SNX25: variants seen among roughly 807,000 people sequenced by gnomAD.
SNX25 encodes sorting nexin-25.
SNX25 carries 62 observed loss-of-function variants against 113.7 expected under a neutral mutation model. The ratio of observed to expected loss-of-function variants is 0.55; its 90% confidence interval spans 0.44 to 0.67. The LOEUF is 0.67. Ranked by LOEUF, SNX25 falls within the 30% of genes least tolerant of loss-of-function variation. The pLI is 0.00. For missense variants in SNX25, 1,014 were observed against 1,161.0 expected, an observed-to-expected ratio of 0.87 and a Z score of 1.84; for synonymous variants, 421 against 436.2, an observed-to-expected ratio of 0.97 and a Z score of 0.43.
At chr4:185,357,411 G>A (rs558350712) in intron 15 of SNX25, among the ~76,000 whole-genome samples, 6 of 152,254 alleles carry the variant, frequency 3.9e-5, no homozygotes, top group South Asian at 2.1e-4. Context: ...CACTCTTTCC[G>A]CTTGCGAGCT....
the SNX25 span, among the ~76,000 whole-genome samples, chr4:185,376,443 CTTTTTTTTTTT>C: frequency 9.4e-6 from 1 of 105,824 alleles, no homozygotes; most frequent in East Asian, 2.7e-4. Flanking sequence ...TGCCCAGCTA[CTTTTTTTTTTT>C]TTTTTTTTTT....
At chr4:185,333,810 G>A (rs2126709352) in intron 10 of SNX25, among the ~76,000 whole-genome samples, 1 of 152,178 alleles carries the variant, frequency 6.6e-6, no homozygotes, top group East Asian at 1.9e-4. Flanking sequence ...TTGGGAAGCC[G>A]AGATGGGTGG....
intron 1 of SNX25, among the ~76,000 whole-genome samples, chr4:185,230,134 C>T (rs992286622): frequency 6.6e-6 from 1 of 151,896 alleles, no homozygotes; most frequent in Admixed American, 6.6e-5. Context: ...CTGGCCTAAG[C>T]ACTGTATTTA....
intron 14 of SNX25, among the ~76,000 whole-genome samples, chr4:185,351,910 G>GT (rs746502243): frequency 3.3e-5 from 5 of 150,072 alleles, no homozygotes; most frequent in Non-Finnish European, 7.4e-5. Flanking sequence ...TCATTGCGGG[G>GT]TGGGGGGGTT....
chr4:185,205,785 C>A (rs764966571), upstream of SNX25, among the ~76,000 whole-genome samples: 1 of 152,168 alleles, frequency 6.6e-6, no homozygotes, highest in Non-Finnish European at 1.5e-5. Context: ...GCTGAGATCA[C>A]GCCATTGTAC....
chr4:185,237,466 CT>C (rs1742810242), intron 1 of SNX25, among the ~76,000 whole-genome samples: 1 of 152,176 alleles, frequency 6.6e-6, no homozygotes, highest in African/African-American at 2.4e-5. Context: ...GGTTGCTTAA[CT>C]TTTCAACCCC....
At chr4:185,354,013 C>T (rs1057201368) in intron 15 of SNX25, among the ~76,000 whole-genome samples, 20 of 149,696 alleles carry the variant, frequency 1.3e-4, no homozygotes, top group African/African-American at 5.0e-4. Flanking sequence ...CACTGCACTC[C>T]AGCCTGGGTA....
downstream of SNX25, chr4:185,364,151 G>A (rs2095378434): frequency 6.6e-6 from 1 of 152,222 alleles, no homozygotes; most frequent in Non-Finnish European, 1.5e-5. Context: ...ATGATTTTTA[G>A]TGAGCAGAAA....
chr4:185,277,534 T>C (rs530643512), intron 5 of SNX25, among the ~76,000 whole-genome samples: 2 of 152,194 alleles, frequency 1.3e-5, no homozygotes, highest in African/African-American at 4.8e-5. Flanking sequence ...ATGGCCGATT[T>C]AAAGCCACCA....
intron 10 of SNX25, among the ~76,000 whole-genome samples, chr4:185,338,793 T>C (rs1044100953): frequency 1.3e-5 from 2 of 152,192 alleles, no homozygotes; most frequent in East Asian, 1.9e-4. Flanking sequence ...CACTTTACCA[T>C]ATATTATTTC....
intron 4 of SNX25, among the ~76,000 whole-genome samples, chr4:185,264,955 A>G (rs1560949101): frequency 6.6e-6 from 1 of 151,876 alleles, no homozygotes; most frequent in East Asian, 1.9e-4. Context: ...TATCCATAGT[A>G]TGTATGTTTA....
chr4:185,205,924 T>C (rs1454196085), upstream of SNX25, among the ~76,000 whole-genome samples: 2 of 152,058 alleles, frequency 1.3e-5, no homozygotes, highest in African/African-American at 4.8e-5. Flanking sequence ...AATAAACACA[T>C]GAAAAGATAC....
At chr4:185,324,640 C>T (rs1049394489) in intron 9 of SNX25, among the ~76,000 whole-genome samples, 4 of 151,968 alleles carry the variant, frequency 2.6e-5, no homozygotes, top group Non-Finnish European at 4.4e-5. Flanking sequence ...AGGGTTGGAA[C>T]GTTTCTAGTT....
At chr4:185,238,257 A>T (rs1220862105) in intron 1 of SNX25, among the ~76,000 whole-genome samples, 1 of 151,838 alleles carries the variant, frequency 6.6e-6, no homozygotes, top group South Asian at 2.1e-4. Flanking sequence ...TCAAGGACCT[A>T]CCATTAGTAA....
chr4:185,300,100 A>G (rs972051465), intron 6 of SNX25, among the ~76,000 whole-genome samples: 2 of 152,228 alleles, frequency 1.3e-5, no homozygotes, highest in Admixed American at 1.3e-4. Flanking sequence ...ATGTATGTGT[A>G]CATACACAAA....
At chr4:185,224,935 G>GT (rs1560905765) in intron 1 of SNX25, among the ~76,000 whole-genome samples, 1 of 151,488 alleles carries the variant, frequency 6.6e-6, no homozygotes, top group Non-Finnish European at 1.5e-5. Flanking sequence ...AGCCCTGTTT[G>GT]TTTTTTTAAA....
At chr4:185,321,498 G>A (rs1026375699) in intron 8 of SNX25, among the ~76,000 whole-genome samples, 6 of 152,130 alleles carry the variant, frequency 3.9e-5, no homozygotes, top group African/African-American at 1.4e-4. Flanking sequence ...CCTGACCTCA[G>A]GTGATCTGTC....
At chr4:185,219,563 A>C (rs538818452) in intron 1 of SNX25, among the ~76,000 whole-genome samples, 12 of 152,336 alleles carry the variant, frequency 7.9e-5, no homozygotes, top group South Asian at 2.1e-4. Flanking sequence ...CCATCTCAAA[A>C]AAACAAAAAA....
chr4:185,351,695 T>A (rs1358557056), intron 14 of SNX25, 86 bp downstream of exon 14: 1 of 1,405,662 alleles, frequency 7.1e-7, no homozygotes. Flanking sequence ...AGCAAATCCC[T>A]CTATTTTCAG....
Sources: gnomAD v4.1 joint callset for allele counts (sites outside exome capture counted in the v4.1 genomes callset) on GRCh38, gnomAD v4.1.1 for gene constraint, MANE v1.5 for transcripts, NCBI Gene and HGNC (gene_info 2026-07-23, HGNC 2026-07-21) for gene names.